Variants in ADAMTS5 observed in about 807,000 individuals in gnomAD.
ADAMTS5 encodes A disintegrin and metalloproteinase with thrombospondin motifs 5.
In ADAMTS5, 54 loss-of-function variants were observed where a neutral mutation model predicts 81.4. That is an observed-to-expected ratio of 0.66 (90% CI 0.53 to 0.83). The LOEUF is 0.83. ADAMTS5 is among the 40% of genes least tolerant of loss of function. ADAMTS5 has a pLI of 0.00. For synonymous variants in ADAMTS5, 532 were observed against 508.8 expected (o/e 1.05, Z -0.61); for missense variants, 1,194 against 1,229.9 (o/e 0.97, Z 0.44).
At position 26,932,109 on chromosome 21, in the gene ADAMTS5, A is replaced by C. The variant is rs762910636; in HGVS notation, c.1944T>G (p.Thr648=). The C allele has an allele frequency of 1.2e-6, 2 of 1,614,200 alleles. No individual in the cohort carries two copies. Among genetic ancestry groups the C allele is most frequent in the Non-Finnish European group, 8.5e-7 (1 of 1,180,030 alleles). ...GYQSDAKGVK[T]FVEWVPKYAG... ...CATATTTGGGAACCCATTCCACAAA[A>C]GTTTTGACTCCTTTTGCATCAGACT... Residue 648 remains threonine, a synonymous_variant, in exon 6 of 8, where the codon ACT becomes ACG. Transcript: ENST00000284987.
rs1986970562 is a variant in ADAMTS5, at chr21:26,934,378, G to A, written c.1689+88C>T. ...AAAAGTTTTTAAATTAGAAAATAAA[G>A]CCTTCTGAGAACAGTGCCCATACCC... On this transcript the variant is annotated intron_variant, in intron 4 of 7. Transcript: ENST00000284987. The A allele has an allele frequency of 9.4e-6, 14 of 1,485,540 alleles. No homozygotes were observed. In the South Asian group the frequency reaches 1.9e-4, roughly 20 times the overall value. 92.0% of individuals were successfully genotyped at this position (1,485,540 alleles called of 1,614,324 possible).
intron 2 of ADAMTS5, chr21:26,953,929 T>C (rs186147047): frequency 2.6e-5 from 4 of 153,794 alleles, no homozygotes; most frequent in Non-Finnish European, 5.9e-5. Flanking sequence ...CAGTGTGACA[T>C]AGGTATAAAG....
intron 2 of ADAMTS5, among the ~76,000 whole-genome samples, chr21:26,944,918 A>G (rs771658073): frequency 6.6e-6 from 1 of 152,138 alleles, no homozygotes; most frequent in Non-Finnish European, 1.5e-5. Flanking sequence ...CCAAGCCTCC[A>G]CATTTTTATG....
At chr21:26,953,103 A>T (rs2123198108) in intron 2 of ADAMTS5, among the ~76,000 whole-genome samples, 1 of 152,356 alleles carries the variant, frequency 6.6e-6, no homozygotes, top group South Asian at 2.1e-4. Context: ...GGCATGTGTT[A>T]TAAAGACGCT....
intron 7 of ADAMTS5, among the ~76,000 whole-genome samples, chr21:26,926,245 A>C (rs1986803917): frequency 6.6e-6 from 1 of 152,228 alleles, no homozygotes; most frequent in Non-Finnish European, 1.5e-5. Flanking sequence ...CGAGTAACAG[A>C]ATGAGATCCT....
At chr21:26,937,043 A>G (rs556538466) in intron 3 of ADAMTS5, among the ~76,000 whole-genome samples, 23 of 152,344 alleles carry the variant, frequency 1.5e-4, no homozygotes, top group African/African-American at 5.1e-4. Context: ...CTGGGTAACT[A>G]AATATTAGCT....
At position 26,921,150 on chromosome 21, in the gene ADAMTS5, C is replaced by T. The variant is rs1012906220; in HGVS notation, c.*2903G>A. On this transcript the variant is annotated 3_prime_UTR_variant, in exon 8 of 8. Transcript: ENST00000284987. The stretch of plus-strand genomic sequence containing the variant: ...TACCAGTTGCAAAAACAATAAATTA[C>T]TTTTTTTCAGTGCTGCAACTTTTTT... 1 of 152,352 alleles carries T rather than the reference C, an allele frequency of 6.6e-6. No individual in the cohort carries two copies. Among genetic ancestry groups the T allele is most frequent in the African/African-American group, 2.4e-5 (1 of 41,400 alleles). The allele number at this position is 152,352 out of a possible 1,614,324, so 9.4% of individuals were successfully genotyped here.
chr21:26,924,838 G>C (rs1986778423), intron 7 of ADAMTS5, among the ~76,000 whole-genome samples: 1 of 152,034 alleles, frequency 6.6e-6, no homozygotes, highest in Non-Finnish European at 1.5e-5. Flanking sequence ...CTTTAATTGA[G>C]GTGTTCAAAA....
chr21:26,937,534 G>C (rs1310148854), intron 3 of ADAMTS5, among the ~76,000 whole-genome samples: 1 of 152,174 alleles, frequency 6.6e-6, no homozygotes, highest in East Asian at 1.9e-4. Flanking sequence ...AACAAAATAG[G>C]TACAAGCATC....
chr21:26,965,371 A>G lies in ADAMTS5; in HGVS notation c.1021T>C (p.Phe341Leu). The G allele has an allele frequency of 6.2e-7, 1 of 1,614,200 alleles. No homozygotes were observed. The highest frequency in any genetic ancestry group is 1.1e-5 in the South Asian group (1 of 91,082). The change falls in exon 1 of 8, where the codon TTT becomes CTT. Residue 341 changes from phenylalanine (F) to leucine (L), a missense_variant. Phe to Leu is a conservative substitution (Grantham distance 22). This residue lies in a region of ADAMTS5 where 696 missense variants were observed against 817.6 expected (regional missense o/e 0.85). Transcript: ENST00000284987. ...TTGTGTTGGTGCTGCCACTTGCAAA[A>G]GTTCTTGAGTGTGGTGGCAGCGTTC... ...SKNAATTLKN[F>L]CKWQHQHNQL...
rs139776927 is a variant in ADAMTS5, at chr21:26,965,407, C to T, written c.985G>A (p.Glu329Lys). ...VVLGDKDKSLEVSKNAATTLK... is the reference protein window; with the variant it reads ...VVLGDKDKSLKVSKNAATTLK... Reference sequence around the variant, plus strand: ...GTGGTGGCAGCGTTCTTGCTCACTTCCAGGCTCTTGTCCTTGTCGCCTAGC... The same window carrying T: ...GTGGTGGCAGCGTTCTTGCTCACTTTCAGGCTCTTGTCCTTGTCGCCTAGC... Residue 329 changes from glutamate to lysine, a missense_variant, in exon 1 of 8, where the codon GAA (glutamate) becomes AAA (lysine). Around this residue, in one of 2 missense-constraint regions of ADAMTS5, gnomAD observed 696 missense variants for 817.6 expected, o/e 0.85. Coordinates refer to ENST00000284987, the MANE Select transcript of ADAMTS5 (RefSeq NM_007038.5). The T allele has an allele frequency of 2.1e-4, 340 of 1,614,150 alleles. No individual in the cohort carries two copies. Among genetic ancestry groups the T allele is most frequent in the Non-Finnish European group, 2.7e-4 (324 of 1,180,056 alleles).
chr21:26,934,145 A>G (rs1986966529), intron 4 of ADAMTS5, among the ~76,000 whole-genome samples: 1 of 152,222 alleles, frequency 6.6e-6, no homozygotes, highest in African/African-American at 2.4e-5. Context: ...AACTTTAGCA[A>G]GAGAAGCTTG....
rs918456057 is a variant in ADAMTS5, at chr21:26,944,604, G to A, written c.1238-1057C>T. Among the ~76,000 whole-genome samples, 31 of 152,240 alleles carry A rather than the reference G, an allele frequency of 2.0e-4. No homozygotes were observed. The South Asian group carries it at 3.1e-3, about 15-fold the overall frequency. Reference sequence around the variant, plus strand: ...AAGTAGACAGCAAATCATCCTAGTGGTGTTTTTAACAAAGCTTTCTAGAAT... The same window carrying A: ...AAGTAGACAGCAAATCATCCTAGTGATGTTTTTAACAAAGCTTTCTAGAAT... On this transcript the variant is annotated intron_variant, in intron 2 of 7. Transcript: ENST00000284987.
intron 3 of ADAMTS5, among the ~76,000 whole-genome samples, chr21:26,937,630 A>G (rs1021310249): frequency 6.6e-6 from 1 of 152,258 alleles, no homozygotes; most frequent in Admixed American, 6.5e-5. Context: ...TAAAATGTTT[A>G]AAATCTAAGT....
intron 2 of ADAMTS5, among the ~76,000 whole-genome samples, chr21:26,944,900 G>C (rs1987184928): frequency 6.6e-6 from 1 of 152,066 alleles, no homozygotes; most frequent in Non-Finnish European, 1.5e-5. Context: ...CTAGGGCTCG[G>C]TGACCTTCCA....
At chr21:26,957,634 C>T (rs1987453940) in intron 1 of ADAMTS5, among the ~76,000 whole-genome samples, 1 of 151,880 alleles carries the variant, frequency 6.6e-6, no homozygotes, top group African/African-American at 2.4e-5. Flanking sequence ...TCAAATAAGG[C>T]TTGTTTTATG....
chr21:26,953,592 T>C (rs1441132067), intron 2 of ADAMTS5, among the ~76,000 whole-genome samples: 4 of 152,188 alleles, frequency 2.6e-5, no homozygotes, highest in African/African-American at 4.8e-5. Context: ...AAAAGTAGTT[T>C]TAATTCCCAT....
chr21:26,958,899 C>G (rs144392987), intron 1 of ADAMTS5, among the ~76,000 whole-genome samples: 1 of 152,136 alleles, frequency 6.6e-6, no homozygotes, highest in African/African-American at 2.4e-5. Flanking sequence ...GATCTGATAG[C>G]CTGGGAGGAA....
rs1986627502 is a variant in ADAMTS5, at chr21:26,918,619, CA to C, written c.*5433del. 1 of 151,850 alleles carries C rather than the reference CA, an allele frequency of 6.6e-6. No homozygotes were observed. The highest frequency in any genetic ancestry group is 1.5e-5 in the Non-Finnish European group (1 of 67,884). The allele number at this position is 151,850 out of a possible 1,614,324, so 9.4% of individuals were successfully genotyped here. On this transcript the variant is annotated 3_prime_UTR_variant, in exon 8 of 8. Coordinates refer to ENST00000284987, the MANE Select transcript of ADAMTS5 (RefSeq NM_007038.5). ...GCCTGAGTGTATAATGCAAAAATAG[CA>C]TCCAGAGATTATATATTTCTTAATC...
Sources: gnomAD v4.1 joint callset for allele counts (sites outside exome capture counted in the v4.1 genomes callset) on GRCh38, gnomAD v4.1.1 for gene constraint, gnomAD v4.1.1 regional missense constraint, MANE v1.5 for transcripts, NCBI Gene and HGNC (gene_info 2026-07-23, HGNC 2026-07-21) for gene names.